Variants in DHRSX observed in about 807,000 individuals in gnomAD.
The protein encoded by DHRSX is polyprenol dehydrogenase.
A neutral mutation model predicts 34.0 loss-of-function variants in DHRSX; 31 were observed. That is an observed-to-expected ratio of 0.91 (90% CI 0.69 to 1.23). DHRSX has a LOEUF of 1.23. Among genes scored for constraint, DHRSX ranks in the 50% most tolerant of loss-of-function variants. The pLI, the probability that DHRSX is intolerant of heterozygous loss-of-function variation, is 0.00. For missense variants in DHRSX, 414 were observed against 428.1 expected, an observed-to-expected ratio of 0.97 and a Z score of 0.29; for synonymous variants, 201 against 183.8, an observed-to-expected ratio of 1.09 and a Z score of -0.76.
chrX:2,409,440 G>C lies in DHRSX; in HGVS notation c.218-627C>G, dbSNP rs374907235. 1.2e-4 allele frequency among the ~76,000 whole-genome samples: 19 copies of C among 152,108 alleles called. No individual in the cohort carries two copies. In the East Asian group the frequency reaches 3.5e-3, roughly 28 times the overall value. On this transcript the variant is annotated intron_variant, in intron 2 of 6. Transcript: ENST00000334651. ...CCCTGCCCTGCCCCCTCAACCCCTCGACAGGCCCTGGTGTGGGATGTTCCC... is the reference window on the plus strand; with the variant it reads ...CCCTGCCCTGCCCCCTCAACCCCTCCACAGGCCCTGGTGTGGGATGTTCCC...
intron 3 of DHRSX, among the ~76,000 whole-genome samples, chrX:2,386,665 T>C (rs1192679324): frequency 6.6e-6 from 1 of 152,218 alleles, no homozygotes; most frequent in Non-Finnish European, 1.5e-5. Context: ...TTTCATCCTT[T>C]GCCCAGGAGG....
intron 3 of DHRSX, among the ~76,000 whole-genome samples, chrX:2,362,728 C>T (rs1258734834): frequency 6.6e-6 from 1 of 151,718 alleles, no homozygotes; most frequent in Admixed American, 6.6e-5. Context: ...GAGATCATGC[C>T]GCCATTTTAT....
chrX:2,474,229 TCC>T (rs1386680101), intron 1 of DHRSX, among the ~76,000 whole-genome samples: 24 of 151,282 alleles, frequency 1.6e-4, no homozygotes, highest in Non-Finnish European at 2.7e-4. Flanking sequence ...GGACTGCCAC[TCC>T]GTATGCACTG....
intron 3 of DHRSX, among the ~76,000 whole-genome samples, chrX:2,312,414 G>A (rs1172670735): frequency 2.0e-5 from 3 of 152,088 alleles, no homozygotes; most frequent in Non-Finnish European, 4.4e-5. Flanking sequence ...ATGAGTTCAT[G>A]TCCTTTGCAG....
intron 3 of DHRSX, among the ~76,000 whole-genome samples, chrX:2,371,277 T>C (rs1423292432): frequency 6.7e-6 from 1 of 148,716 alleles, no homozygotes; most frequent in Admixed American, 6.7e-5. Flanking sequence ...CCCTTCTACT[T>C]CTGTTACCAT....
chrX:2,487,996 A>G (rs1303524811), intron 1 of DHRSX: 1 of 151,370 alleles, frequency 6.6e-6, no homozygotes, highest in Non-Finnish European at 1.5e-5. Context: ...TTTCTTCTAA[A>G]CCCTCCCAGG....
At chrX:2,385,707 A>G (rs898439542) in intron 3 of DHRSX, among the ~76,000 whole-genome samples, 1 of 152,130 alleles carries the variant, frequency 6.6e-6, no homozygotes, top group African/African-American at 2.4e-5. Context: ...ATGAGTTGCA[A>G]CTAAGTCAGG....
chrX:2,413,251 G>C, intron 2 of DHRSX, among the ~76,000 whole-genome samples: 2 of 152,218 alleles, frequency 1.3e-5, no homozygotes, highest in Admixed American at 1.3e-4. Context: ...TGCTAGGGGG[G>C]TGGGTTGCTG....
Position 2,265,399 on chromosome X carries a change from T to C in DHRSX, c.596+1341A>G, listed in dbSNP as rs866528130. Among the ~76,000 whole-genome samples the C allele has an allele frequency of 2.7e-3, 272 of 100,160 alleles. 1 individual carries two copies. Among genetic ancestry groups the C allele is most frequent in the Middle Eastern group, 6.0e-3 (1 of 168 alleles). The allele number at this position is 100,160 out of a possible 152,430, so 65.7% of individuals were successfully genotyped here. ...GAGCACTGTCCCCAGAGCACCAGTG[T>C]ACAGCAGACGCAGGGAGCACTGTCC... On this transcript the variant is annotated intron_variant, in intron 5 of 6. Transcript: ENST00000334651.
intron 3 of DHRSX, among the ~76,000 whole-genome samples, chrX:2,354,086 G>C (rs1231337598): frequency 6.6e-6 from 1 of 152,130 alleles, no homozygotes; most frequent in Non-Finnish European, 1.5e-5. Flanking sequence ...TATGGGTGCT[G>C]ACTTGGTGCA....
At chrX:2,439,835 G>A (rs2044041312) in intron 1 of DHRSX, among the ~76,000 whole-genome samples, 2 of 152,074 alleles carry the variant, frequency 1.3e-5, no homozygotes, top group South Asian at 4.1e-4. Context: ...TATGAGCTAT[G>A]GGGAGCAGCT....
chrX:2,368,769 G>A (rs1312657407), intron 3 of DHRSX, among the ~76,000 whole-genome samples: 1 of 152,028 alleles, frequency 6.6e-6, no homozygotes, highest in African/African-American at 2.4e-5. Flanking sequence ...AGAATCACTT[G>A]AACCTGGGAG....
intron 6 of DHRSX, among the ~76,000 whole-genome samples, chrX:2,228,839 C>T (rs777066486): frequency 1.3e-5 from 2 of 152,262 alleles, no homozygotes; most frequent in African/African-American, 4.8e-5. Flanking sequence ...GAACTCCACA[C>T]TTAACTTGTA....
At chrX:2,378,817 C>T (rs1311188889) in intron 3 of DHRSX, among the ~76,000 whole-genome samples, 4 of 151,912 alleles carry the variant, frequency 2.6e-5, no homozygotes, top group East Asian at 3.9e-4. Flanking sequence ...ATTGCAGGTG[C>T]GCACCACCAC....
chrX:2,455,580 A>G (rs2124680681), intron 1 of DHRSX, among the ~76,000 whole-genome samples: 1 of 151,978 alleles, frequency 6.6e-6, no homozygotes, highest in Admixed American at 6.6e-5. Context: ...TGTCACTACT[A>G]AAAATACAAA....
intron 5 of DHRSX, among the ~76,000 whole-genome samples, chrX:2,259,697 G>C (rs2041336808): frequency 6.6e-6 from 1 of 152,070 alleles, no homozygotes; most frequent in East Asian, 1.9e-4. Flanking sequence ...GGTCTTCTAG[G>C]GCAGGAACCC....
At chrX:2,327,874 A>G (rs1171950213) in intron 3 of DHRSX, among the ~76,000 whole-genome samples, 1 of 151,968 alleles carries the variant, frequency 6.6e-6, no homozygotes, top group Non-Finnish European at 1.5e-5. Flanking sequence ...AGGTCAGGTG[A>G]TCGAGACCAT....
At chrX:2,381,231 G>A (rs1266861774) in intron 3 of DHRSX, among the ~76,000 whole-genome samples, 4 of 152,136 alleles carry the variant, frequency 2.6e-5, no homozygotes, top group East Asian at 1.9e-4. Context: ...CCTTTAAGAC[G>A]TGATGAGGTC....
At chrX:2,250,850 A>G (rs1484489735) in intron 5 of DHRSX, among the ~76,000 whole-genome samples, 2 of 152,202 alleles carry the variant, frequency 1.3e-5, no homozygotes, top group East Asian at 3.9e-4. Context: ...AATGCCTCTG[A>G]AAAATTTAGG....
Sources: allele counts gnomAD v4.1 joint callset (sites outside exome capture counted in the v4.1 genomes callset), GRCh38; gene constraint gnomAD v4.1.1; transcripts MANE v1.5; gene names NCBI Gene and HGNC (gene_info 2026-07-23, HGNC 2026-07-21).